B3GAT2: variants seen among roughly 807,000 people sequenced by gnomAD.
B3GAT2 encodes beta-1,3-glucuronyltransferase 2.
A neutral mutation model predicts 27.8 loss-of-function variants in B3GAT2; 26 were observed. The observed-to-expected ratio is 0.93, with a 90% confidence interval of 0.68 to 1.30. The LOEUF (loss-of-function observed/expected upper bound fraction) is 1.30, where lower values mean the gene tolerates loss of function less well. Among genes scored for constraint, B3GAT2 ranks in the 50% most tolerant of loss-of-function variants. The pLI, the probability that B3GAT2 is intolerant of heterozygous loss-of-function variation, is 0.00. For synonymous variants in B3GAT2, 218 were observed against 195.1 expected (o/e 1.12, Z -0.98); for missense variants, 458 against 459.0 (o/e 1.00, Z 0.02).
intron 1 of B3GAT2, among the ~76,000 whole-genome samples, chr6:70,921,145 A>G (rs1170299377): frequency 6.6e-6 from 1 of 152,040 alleles, no homozygotes; most frequent in Non-Finnish European, 1.5e-5. Flanking sequence ...GGTTTTCTGC[A>G]TTTCCTGAAT....
intron 2 of B3GAT2, among the ~76,000 whole-genome samples, chr6:70,887,978 G>T (rs1239233652): frequency 6.6e-6 from 1 of 152,214 alleles, no homozygotes; most frequent in Non-Finnish European, 1.5e-5. Context: ...ACAAGGAATT[G>T]TTTATTCCAA....
Position 70,887,965 on chromosome 6 carries a change from G to T in B3GAT2, c.736+6163C>A, listed in dbSNP as rs570349520. 2.6e-5 allele frequency among the ~76,000 whole-genome samples: 4 copies of T among 152,350 alleles called. No individual in the cohort carries two copies. In the South Asian group the frequency reaches 8.3e-4, roughly 32 times the overall value. ...GCCGGGCAGGGCCTGGCAGGTGCCA[G>T]TGACAAGGAATTGTTTATTCCAAGA... On this transcript the variant is annotated intron_variant, in intron 2 of 3. Coordinates refer to ENST00000230053, the MANE Select transcript of B3GAT2 (RefSeq NM_080742.3).
chr6:70,877,016 G>A (rs181576977), intron 2 of B3GAT2, among the ~76,000 whole-genome samples: 163 of 152,334 alleles, frequency 1.1e-3, no homozygotes, highest in African/African-American at 3.7e-3. Flanking sequence ...CAGCAATGAT[G>A]GGTGACAAGG....
chr6:70,924,795 T>C (rs774508252), intron 1 of B3GAT2, among the ~76,000 whole-genome samples: 1 of 152,208 alleles, frequency 6.6e-6, no homozygotes, highest in Non-Finnish European at 1.5e-5. Context: ...TAAACTACTT[T>C]CGTAAAACTA....
chr6:70,924,792 C>T (rs1276940597), intron 1 of B3GAT2, among the ~76,000 whole-genome samples: 3 of 152,220 alleles, frequency 2.0e-5, no homozygotes, highest in African/African-American at 7.2e-5. Context: ...AACTAAACTA[C>T]TTTCGTAAAA....
chr6:70,900,386 G>A (rs549965244), intron 1 of B3GAT2, among the ~76,000 whole-genome samples: 1 of 151,070 alleles, frequency 6.6e-6, no homozygotes, highest in South Asian at 2.1e-4. Flanking sequence ...CTCCAGTCTG[G>A]TGGCCCTTAA....
At chr6:70,925,918 CA>C (rs1277562795) in intron 1 of B3GAT2, among the ~76,000 whole-genome samples, 1 of 152,220 alleles carries the variant, frequency 6.6e-6, no homozygotes, top group Non-Finnish European at 1.5e-5. Context: ...ACACGTCATA[CA>C]GCCAGGTGCC....
At chr6:70,936,084 A>G (rs1338834459) in intron 1 of B3GAT2, among the ~76,000 whole-genome samples, 3 of 151,716 alleles carry the variant, frequency 2.0e-5, no homozygotes, top group Admixed American at 1.3e-4. Context: ...GAAAACAAAA[A>G]AAGGCAGGGG....
intron 2 of B3GAT2, among the ~76,000 whole-genome samples, chr6:70,888,308 A>C (rs1022776466): frequency 1.3e-5 from 2 of 152,070 alleles, no homozygotes; most frequent in East Asian, 3.9e-4. Flanking sequence ...ATTACCCAAC[A>C]TCACTGTATT....
At chr6:70,889,685 C>A (rs1475959118) in intron 2 of B3GAT2, among the ~76,000 whole-genome samples, 2 of 152,110 alleles carry the variant, frequency 1.3e-5, no homozygotes, top group Non-Finnish European at 2.9e-5. Context: ...CCTGGCCACT[C>A]ATCATCACAA....
At chr6:70,909,457 C>T (rs1341903362) in intron 1 of B3GAT2, among the ~76,000 whole-genome samples, 2 of 152,120 alleles carry the variant, frequency 1.3e-5, no homozygotes, top group African/African-American at 4.8e-5. Flanking sequence ...TAATAAGGGG[C>T]TTTTAAAAAT....
At chr6:70,894,338 A>G in intron 1 of B3GAT2, 66 bp from the exon 2 acceptor site, 1 of 1,486,310 alleles carries the variant, frequency 6.7e-7, no homozygotes, top group Non-Finnish European at 9.1e-7. Context: ...AATGAATGTG[A>G]TCTATGTAGA....
chr6:70,913,003 G>A (rs151324077), intron 1 of B3GAT2, among the ~76,000 whole-genome samples: 1 of 152,090 alleles, frequency 6.6e-6, no homozygotes, highest in East Asian at 1.9e-4. Context: ...TTTCTGTTGG[G>A]TTGATGGTAA....
rs532931451 is a variant in B3GAT2 at position 70,896,137 on chromosome 6, C to T, written c.592-1865G>A. Among the ~76,000 whole-genome samples, 28 of 152,230 alleles carry T rather than the reference C, an allele frequency of 1.8e-4. No homozygotes were observed. In the Middle Eastern group the frequency reaches 0.014, roughly 74 times the overall value. The stretch of plus-strand genomic sequence containing the variant: ...TTAAGTGGGTTTCCCTGGGTATAAT[C>T]ATTGTACGCCTGTGACTACATTTTC... On this transcript the variant is annotated intron_variant, in intron 1 of 3. Transcript: ENST00000230053.
intron 1 of B3GAT2, among the ~76,000 whole-genome samples, chr6:70,913,287 T>A (rs1368180866): frequency 6.6e-6 from 1 of 152,336 alleles, no homozygotes; most frequent in African/African-American, 2.4e-5. Context: ...AACTTTTTGA[T>A]AGGGGTGTTT....
At chr6:70,952,127 A>T (rs1331766906) in intron 1 of B3GAT2, among the ~76,000 whole-genome samples, 1 of 152,114 alleles carries the variant, frequency 6.6e-6, no homozygotes, top group East Asian at 1.9e-4. Flanking sequence ...TTAATCCTCA[A>T]AACTCCTTTA....
intron 1 of B3GAT2, among the ~76,000 whole-genome samples, chr6:70,933,551 C>T (rs1176837826): frequency 6.6e-6 from 1 of 152,186 alleles, no homozygotes; most frequent in Admixed American, 6.5e-5. Flanking sequence ...GCACTCTTGC[C>T]AGTGTGAACA....
chr6:70,903,509 G>A (rs1772544024), intron 1 of B3GAT2, among the ~76,000 whole-genome samples: 1 of 151,708 alleles, frequency 6.6e-6, no homozygotes, highest in African/African-American at 2.4e-5. Flanking sequence ...CATAGCTCAA[G>A]AAAAAAGACA....
chr6:70,911,527 A>G (rs565380833), intron 1 of B3GAT2, among the ~76,000 whole-genome samples: 2 of 152,190 alleles, frequency 1.3e-5, no homozygotes, highest in South Asian at 2.1e-4. Context: ...TACAAGTACC[A>G]TGCTGTTTTT....
Sources: gnomAD v4.1 joint callset for allele counts (sites outside exome capture counted in the v4.1 genomes callset) on GRCh38, gnomAD v4.1.1 for gene constraint, MANE v1.5 for transcripts, NCBI Gene and HGNC (gene_info 2026-07-23, HGNC 2026-07-21) for gene names.